FRMD4B: variants seen among roughly 807,000 people sequenced by gnomAD.
FRMD4B encodes the protein FERM domain containing 4B, also known as FERM domain-containing protein 4B.
In FRMD4B, 74 loss-of-function variants were observed where a neutral mutation model predicts 141.5. The ratio of observed to expected loss-of-function variants is 0.52; its 90% CI spans 0.43 to 0.63. FRMD4B has a LOEUF of 0.63. FRMD4B is among the 30% of genes least tolerant of loss of function. The pLI is 0.00. For missense variants in FRMD4B, 1,366 were observed against 1,253.4 expected, an observed-to-expected ratio of 1.09 and a Z score of -1.36; for synonymous variants, 506 against 467.9, an observed-to-expected ratio of 1.08 and a Z score of -1.05.
At chr3:69,233,953 A>G (rs2093328208) in intron 7 of FRMD4B, among the ~76,000 whole-genome samples, 2 of 152,174 alleles carry the variant, frequency 1.3e-5, no homozygotes, top group African/African-American at 2.4e-5. Flanking sequence ...AGCAGCTACA[A>G]AAGTTTATTT....
At chr3:69,180,865 A>G (rs777490803) in intron 21 of FRMD4B, 34 bp downstream of exon 21, 36 of 1,421,222 alleles carry the variant, frequency 2.5e-5, no homozygotes, top group Non-Finnish European at 3.3e-5. Context: ...TGTAAATAAA[A>G]TCCAGGTGTT....
At chr3:69,333,550 C>A (rs182778530) in intron 1 of FRMD4B, among the ~76,000 whole-genome samples, 1 of 152,134 alleles carries the variant, frequency 6.6e-6, no homozygotes, top group Non-Finnish European at 1.5e-5. Flanking sequence ...GCCTTAGTTG[C>A]TACAGAAATT....
At chr3:69,437,319 G>C (rs1438145437) in intron 1 of FRMD4B, among the ~76,000 whole-genome samples, 1 of 151,764 alleles carries the variant, frequency 6.6e-6, no homozygotes, top group African/African-American at 2.4e-5. Flanking sequence ...CAATCCTCCT[G>C]CATCTGCCTT....
chr3:69,451,779 T>A (rs558083654), intron 1 of FRMD4B, among the ~76,000 whole-genome samples: 108 of 152,178 alleles, frequency 7.1e-4, no homozygotes, highest in South Asian at 2.1e-3. Context: ...CAAGATAATT[T>A]AAAAAAACAC....
In FRMD4B at chr3:69,456,733, T is replaced by TAA. The variant is rs60484143; in HGVS notation, c.-128-23974_-128-23973dup. Among the ~76,000 whole-genome samples, 213 of 129,156 alleles carry TAA rather than the reference T, an allele frequency of 1.6e-3. 1 individual carries two copies. The highest frequency in any genetic ancestry group is 2.8e-3 in the Non-Finnish European group (170 of 60,304). The allele number at this position is 129,156 out of a possible 152,430, so 84.7% of individuals were successfully genotyped here. On this transcript the variant is annotated intron_variant, in intron 1 of 5. Transcript: ENST00000459638. Reference sequence around the variant, plus strand: ...TTTACGTAGTATGATTCCATTTTTGTAAAAAAAAAAAAAAAAAGCATATGT... The same window carrying TAA: ...TTTACGTAGTATGATTCCATTTTTGTAAAAAAAAAAAAAAAAAAAGCATATGT...
At chr3:69,398,464 C>T (rs540478275) in intron 2 of FRMD4B, among the ~76,000 whole-genome samples, 1 of 152,306 alleles carries the variant, frequency 6.6e-6, no homozygotes, top group South Asian at 2.1e-4. Context: ...TTACAGTCAT[C>T]CTACAGTGCT....
intron 2 of FRMD4B, chr3:69,432,569 A>G (rs908537074): frequency 2.1e-5 from 3 of 146,022 alleles, no homozygotes; most frequent in Non-Finnish European, 3.1e-5. Context: ...AAACACACAT[A>G]AACTCACTTT....
chr3:69,281,390 T>C (rs1207840119), intron 5 of FRMD4B, among the ~76,000 whole-genome samples: 1 of 152,222 alleles, frequency 6.6e-6, no homozygotes, highest in Admixed American at 6.5e-5. Context: ...GGTGTTTTCA[T>C]GTGTTTCCCC....
At position 69,272,999 on chromosome 3, in the gene FRMD4B, A is replaced by C. The variant is rs529997007; in HGVS notation, c.501+14753T>G. On this transcript the variant is annotated intron_variant, in intron 5 of 22. Coordinates refer to ENST00000398540, the MANE Select transcript of FRMD4B (RefSeq NM_015123.3). Reference sequence around the variant, plus strand: ...TCACATTTTGATTATTCAGAAGCTCATTATTGACTTTTGGGGATTCATTTT... The same window carrying C: ...TCACATTTTGATTATTCAGAAGCTCCTTATTGACTTTTGGGGATTCATTTT... Among the ~76,000 whole-genome samples the C allele has an allele frequency of 9.8e-5, 15 of 152,326 alleles. 1 individual carries two copies. In the South Asian group the frequency reaches 3.1e-3, roughly 32 times the overall value.
chr3:69,225,233 A>G lies in FRMD4B; in HGVS notation c.582-543T>C, dbSNP rs551757185. Among the ~76,000 whole-genome samples, 44 of 152,344 alleles carry G rather than the reference A, an allele frequency of 2.9e-4. 1 individual carries two copies. The highest frequency in any genetic ancestry group is 6.2e-4 in the Non-Finnish European group (42 of 68,028). The stretch of plus-strand genomic sequence containing the variant: ...AATCTCTTGAATAGAAGATGACTGG[A>G]AAACGTGTTTCTAATGAAACCCAAG... On this transcript the variant is annotated intron_variant, in intron 7 of 22. Transcript: ENST00000398540.
chr3:69,265,267 AAAATATATATATATATATAT>A (rs1248498259), intron 5 of FRMD4B, among the ~76,000 whole-genome samples: 9 of 23,712 alleles, frequency 3.8e-4, no homozygotes, highest in East Asian at 1.5e-3. Flanking sequence ...AAAAAAAAAA[AAAATATATATATATATATAT>A]ATATATATAT....
At chr3:69,528,290 TCTTC>T (rs112618879) in intron 1 of FRMD4B, among the ~76,000 whole-genome samples, 5,725 of 148,778 alleles carry the variant, frequency 0.038, 301 homozygotes, top group East Asian at 0.12. Context: ...TCCTTCCTTT[TCTTC>T]CTTCCTTCCT....
At chr3:69,392,586 G>A (rs780705957) in intron 2 of FRMD4B, among the ~76,000 whole-genome samples, 1 of 152,204 alleles carries the variant, frequency 6.6e-6, no homozygotes, top group Non-Finnish European at 1.5e-5. Flanking sequence ...TTGAGGCAGG[G>A]CTGTGGGAAT....
chr3:69,364,876 A>ATTTT (rs777969087), intron 1 of FRMD4B, among the ~76,000 whole-genome samples: 31,333 of 149,466 alleles, frequency 0.21, 3,919 homozygotes, highest in African/African-American at 0.37. Flanking sequence ...GTTTTTTTAA[A>ATTTT]AAAATAAATA....
At chr3:69,265,825 A>T (rs1037174088) in intron 5 of FRMD4B, among the ~76,000 whole-genome samples, 2 of 152,090 alleles carry the variant, frequency 1.3e-5, no homozygotes, top group African/African-American at 4.8e-5. Context: ...ATTCTCCACT[A>T]AAAGGAAAAA....
At chr3:69,427,643 G>GTTTTTTTTT (rs774316609) in intron 2 of FRMD4B, among the ~76,000 whole-genome samples, 1,011 of 36,248 alleles carry the variant, frequency 0.028, 234 homozygotes, top group East Asian at 0.092. Flanking sequence ...CTAGGTAAAT[G>GTTTTTTTTT]TTTTTTTTTT....
chr3:69,336,929 G>T (rs144443161), intron 1 of FRMD4B, among the ~76,000 whole-genome samples: 4,969 of 152,272 alleles, frequency 0.033, 114 homozygotes, highest in Non-Finnish European at 0.048. Flanking sequence ...GGGCATCAGA[G>T]TGAGACTCTG....
intron 1 of FRMD4B, among the ~76,000 whole-genome samples, chr3:69,474,214 G>T (rs892717711): frequency 6.6e-6 from 1 of 152,150 alleles, no homozygotes; most frequent in Non-Finnish European, 1.5e-5. Context: ...GCAAACCAAA[G>T]TTAATAAGAA....
chr3:69,245,158 G>A (rs1305517751), intron 7 of FRMD4B, among the ~76,000 whole-genome samples: 2 of 152,180 alleles, frequency 1.3e-5, no homozygotes, highest in African/African-American at 4.8e-5. Flanking sequence ...CCATTTTACA[G>A]ATGAGGAAAC....
Sources: allele counts gnomAD v4.1 joint callset (sites outside exome capture counted in the v4.1 genomes callset), GRCh38; gene constraint gnomAD v4.1.1; transcripts MANE v1.5; gene names NCBI Gene and HGNC (gene_info 2026-07-23, HGNC 2026-07-21).